The following GALNT13 variants were observed in gnomAD, a reference collection of about 807,000 sequenced individuals.
GALNT13 encodes the protein UDP-GalNAc:polypeptide N-acetylgalactosaminyltransferase 13.
A neutral mutation model predicts 64.2 loss-of-function variants in GALNT13; 28 were observed. The ratio of observed to expected loss-of-function variants is 0.44; its 90% CI spans 0.32 to 0.60. The LOEUF is 0.60. Ranked by LOEUF, GALNT13 falls within the 20% of genes least tolerant of loss-of-function variation. GALNT13 has a pLI of 0.05. For synonymous variants in GALNT13, 214 were observed against 224.6 expected (o/e 0.95, Z 0.42); for missense variants, 577 against 669.8 (o/e 0.86, Z 1.53).
chr2:153,314,069 A>C, the GALNT13 span, among the ~76,000 whole-genome samples: 2 of 152,180 alleles, frequency 1.3e-5, no homozygotes, highest in Non-Finnish European at 2.9e-5. Context: ...CAAATAGAGA[A>C]TATTAATAAA....
chr2:154,030,122 C>A, intron 3 of GALNT13, among the ~76,000 whole-genome samples: 1 of 151,412 alleles, frequency 6.6e-6, no homozygotes, highest in African/African-American at 2.4e-5. Flanking sequence ...AAATAATTCT[C>A]TGAAATTAAT....
In GALNT13 at chr2:154,040,091, A is replaced by G. The variant is rs764786861; in HGVS notation, c.142+95452A>G. Among the ~76,000 whole-genome samples the G allele has an allele frequency of 3.1e-4, 44 of 140,992 alleles. 11 individuals are homozygous for G. The highest frequency in any genetic ancestry group is 6.8e-4 in the Non-Finnish European group (42 of 61,354). 92.5% of individuals were successfully genotyped at this position (140,992 alleles called of 152,430 possible). A position where few individuals can be genotyped will look rare whatever the true frequency, so the allele number is the denominator to read the frequency against. On this transcript the variant is annotated intron_variant, in intron 3 of 12. Coordinates refer to ENST00000392825, the MANE Select transcript of GALNT13 (RefSeq NM_052917.4). ...AATAATTATTCAATGCCTACTACAT[A>G]TCTGTCAGACACTTGATAAGTGTTG...
At chr2:153,685,805 A>G in the GALNT13 span, among the ~76,000 whole-genome samples, 1 of 151,928 alleles carries the variant, frequency 6.6e-6, no homozygotes, top group Admixed American at 6.6e-5. Flanking sequence ...GGGGTTTTAC[A>G]TTTAAGTTTT....
chr2:153,492,843 T>C, the GALNT13 span, among the ~76,000 whole-genome samples: 1 of 152,168 alleles, frequency 6.6e-6, no homozygotes, highest in East Asian at 1.9e-4. Context: ...ATAGAGTATA[T>C]TGTCTGATCA....
At chr2:153,445,125 T>A in the GALNT13 span, among the ~76,000 whole-genome samples, 6 of 152,186 alleles carry the variant, frequency 3.9e-5, no homozygotes, top group Non-Finnish European at 8.8e-5. Flanking sequence ...GTGGTTATAA[T>A]TTAGATATTC....
the GALNT13 span, among the ~76,000 whole-genome samples, chr2:153,627,883 TGAA>T: frequency 1.3e-5 from 2 of 152,138 alleles, no homozygotes; most frequent in Admixed American, 6.6e-5. Context: ...TCCAATTCTG[TGAA>T]GAAGGTCATT....
intron 3 of GALNT13, among the ~76,000 whole-genome samples, chr2:153,989,284 A>G (rs969928408): frequency 6.6e-6 from 1 of 151,884 alleles, no homozygotes; most frequent in Admixed American, 6.6e-5. Flanking sequence ...CAAACTCTTA[A>G]GTATAAACCT....
At chr2:153,756,575 A>G in the GALNT13 span, among the ~76,000 whole-genome samples, 7 of 152,140 alleles carry the variant, frequency 4.6e-5, no homozygotes, top group African/African-American at 1.7e-4. Context: ...AAAGAGATGA[A>G]ACTTGCCTCA....
the GALNT13 span, among the ~76,000 whole-genome samples, chr2:153,425,697 A>G: frequency 6.7e-4 from 102 of 151,904 alleles, no homozygotes; most frequent in Non-Finnish European, 1.2e-3. Context: ...ATACATGTAA[A>G]AAGTAAATAG....
chr2:154,115,318 T>A (rs2105501580), intron 3 of GALNT13, among the ~76,000 whole-genome samples: 1 of 152,288 alleles, frequency 6.6e-6, no homozygotes, highest in Non-Finnish European at 1.5e-5. Context: ...TTATTATTAT[T>A]ATACTTTAAG....
the GALNT13 span, among the ~76,000 whole-genome samples, chr2:153,584,743 G>A: frequency 6.6e-6 from 1 of 152,164 alleles, no homozygotes; most frequent in African/African-American, 2.4e-5. Flanking sequence ...GGCCCATCTG[G>A]CATTCCAGTC....
At chr2:153,767,235 A>G in the GALNT13 span, among the ~76,000 whole-genome samples, 1 of 152,174 alleles carries the variant, frequency 6.6e-6, no homozygotes, top group Non-Finnish European at 1.5e-5. Flanking sequence ...TATTTTGCTT[A>G]GAATAATGGC....
At chr2:153,096,768 G>A in the GALNT13 span, among the ~76,000 whole-genome samples, 1 of 152,174 alleles carries the variant, frequency 6.6e-6, no homozygotes, top group East Asian at 1.9e-4. Context: ...TAGGTGAAGT[G>A]TGTTTATTAT....
Position 154,452,265 on chromosome 2 carries a change from T to C in GALNT13, c.*1714T>C, listed in dbSNP as rs558418351. On this transcript the variant is annotated 3_prime_UTR_variant, in exon 13 of 13. Coordinates refer to ENST00000392825, the MANE Select transcript of GALNT13 (RefSeq NM_052917.4). ...CATTTTTTTTTCTGAGGTGGGAGTATGTCACTCACAGCAAACTTGGAAAGA... is the reference window on the plus strand; with the variant it reads ...CATTTTTTTTTCTGAGGTGGGAGTACGTCACTCACAGCAAACTTGGAAAGA... 7 of 151,994 alleles carry C rather than the reference T, an allele frequency of 4.6e-5. No individual in the cohort carries two copies. Among genetic ancestry groups the C allele is most frequent in the African/African-American group, 1.7e-4 (7 of 41,400 alleles). The allele number at this position is 151,994 out of a possible 1,614,324, so 9.4% of individuals were successfully genotyped here.
chr2:153,343,923 C>A, the GALNT13 span, among the ~76,000 whole-genome samples: 1 of 152,120 alleles, frequency 6.6e-6, no homozygotes, highest in East Asian at 1.9e-4. Context: ...TAAGTTAGTT[C>A]AAATATAATT....
rs546169485 is a variant in GALNT13, at chr2:153,978,638, T to G, written c.142+33999T>G. ...TTGCCACCACCATGTAAGAAGTGCC[T>G]TTTACCTCCTGCCATGATTCTGTGG... On this transcript the variant is annotated intron_variant, in intron 3 of 12. Transcript: ENST00000392825. Among the ~76,000 whole-genome samples, 20 of 152,296 alleles carry G rather than the reference T, an allele frequency of 1.3e-4. No individual in the cohort carries two copies. The East Asian group carries it at 3.9e-3, about 29-fold the overall frequency.
chr2:154,356,428 C>G (rs917596173), intron 9 of GALNT13, among the ~76,000 whole-genome samples: 2 of 151,736 alleles, frequency 1.3e-5, no homozygotes, highest in Admixed American at 1.3e-4. Flanking sequence ...TTAATCAGTT[C>G]TTGAAATCAA....
the GALNT13 span, among the ~76,000 whole-genome samples, chr2:153,732,208 G>A: frequency 4.9e-4 from 74 of 151,978 alleles, no homozygotes; most frequent in East Asian, 1.9e-4. Context: ...AGTGGGGTTC[G>A]AGGATACATC....
intron 7 of GALNT13, among the ~76,000 whole-genome samples, chr2:154,248,264 GC>G (rs1240899678): frequency 1.7e-4 from 26 of 151,988 alleles, no homozygotes; most frequent in African/African-American, 6.0e-4. Context: ...CTAAAGTAAA[GC>G]TTAACATGGT....
Sources: allele counts gnomAD v4.1 joint callset (sites outside exome capture counted in the v4.1 genomes callset), GRCh38; gene constraint gnomAD v4.1.1; transcripts MANE v1.5; gene names NCBI Gene and HGNC (gene_info 2026-07-23, HGNC 2026-07-21).